The following HYI variants were observed in gnomAD, a reference collection of about 807,000 sequenced individuals.
HYI encodes putative hydroxypyruvate isomerase.
Under a neutral mutation model 39.7 loss-of-function variants are expected in HYI, and 47 were observed. The observed-to-expected ratio is 1.18, with a 90% CI of 0.94 to 1.51. The LOEUF is 1.51. Ranked by LOEUF, HYI falls within the 40% of genes most tolerant of loss-of-function variation. The probability of loss-of-function intolerance (pLI) is 0.00; values close to 1 mark genes in which losing one functional copy is unlikely to be tolerated. For synonymous variants in HYI, 186 were observed against 158.8 expected (o/e 1.17, Z -1.29); for missense variants, 465 against 370.3 (o/e 1.26, Z -2.10).
rs949427907 is a variant in HYI, at chr1:43,453,611, C to G, written c.183G>C (p.Leu61=). Reference sequence around the variant, plus strand: ...GCGACGCACCCGGGGGCGTGTTGATCAGTACAAGCCGCAGCCCCGCTTCTC... The same window carrying G: ...GCGACGCACCCGGGGGCGTGTTGATGAGTACAAGCCGCAGCCCCGCTTCTC... ...AAREAGLRLV[L]INTPPGDQEK... is the part of the protein sequence containing the mutation. The change falls in exon 1 of 8, where the codon CTG becomes CTC. Residue 61 remains leucine (L), a synonymous_variant. Coordinates refer to ENST00000372430, the MANE Select transcript of HYI (RefSeq NM_001190880.3). 7 of 1,496,842 alleles carry G rather than the reference C, an allele frequency of 4.7e-6. No homozygotes were observed. The highest frequency in any genetic ancestry group is 6.2e-6 in the Non-Finnish European group (7 of 1,127,400). The allele number at this position is 1,496,842 out of a possible 1,614,324, so 92.7% of individuals were successfully genotyped here.
chr1:43,452,486 G>C (rs1471449408), intron 2 of HYI, 167 bp from the exon 3 acceptor site: 2 of 702,234 alleles, frequency 2.8e-6, no homozygotes, highest in Non-Finnish European at 5.3e-6. Context: ...CTTCAGTGAT[G>C]GCTGAGGGGC....
At position 43,453,679 on chromosome 1, in the gene HYI, A is replaced by C. The variant is rs1656715340; in HGVS notation, c.115T>G (p.Trp39Gly). 2.0e-6 allele frequency: 3 copies of C among 1,463,814 alleles called. No homozygotes were observed. Among genetic ancestry groups the C allele is most frequent in the Non-Finnish European group, 1.8e-6 (2 of 1,117,324 alleles). 90.7% of individuals were successfully genotyped at this position (1,463,814 alleles called of 1,614,324 possible). Residue 39 changes from tryptophan to glycine, a missense_variant, in exon 1 of 8, where the codon TGG becomes GGG. Physicochemically the swap from Trp to Gly is radical, Grantham distance 184 (BLOSUM62 -2). Transcript: ENST00000372430. ...GCCTCAGGCGTCTCCGCGTACGGCC[A>C]GGCCACCTCGACGGCCTCGAAGCCC... ...SSGFEAVEVA[W>G]PYAETPEALA...
Position 43,451,976 on chromosome 1 carries a change from C to G in HYI, c.464G>C (p.Arg155Pro), listed in dbSNP as rs367869584. The stretch of plus-strand genomic sequence containing the variant: ...CAGGAAGTACTGGGGGTCAGTGATG[C>G]GGGTGTTGATGGGCTCCAGCAGTCC... ...LVGLLEPINT[R>P]ITDPQYFLDT... Residue 155 changes from arginine (R) to proline (P), a missense_variant, in exon 4 of 8, where the codon CGC becomes CCC. Physicochemically the swap from Arg to Pro is moderately radical, Grantham distance 103 (BLOSUM62 -2). Coordinates refer to ENST00000372430, the MANE Select transcript of HYI (RefSeq NM_001190880.3). The G allele has an allele frequency of 6.2e-7, 1 of 1,611,196 alleles. No individual in the cohort carries two copies. The highest frequency in any genetic ancestry group is 2.2e-5 in the East Asian group (1 of 44,810).
intron 2 of HYI, 77 bp downstream of exon 2, chr1:43,453,309 G>C: frequency 2.1e-6 from 2 of 949,662 alleles, no homozygotes; most frequent in South Asian, 3.2e-5. Context: ...GAGCGTCTCA[G>C]ATCTGGCGTC....
downstream of HYI, chr1:43,450,776 C>T (rs1299856408): frequency 9.9e-6 from 7 of 706,358 alleles, no homozygotes; most frequent in African/African-American, 3.4e-5. The surrounding 1 kb of genome is among the most constrained non-coding windows in gnomAD (Gnocchi z 4.3). Flanking sequence ...GGTAGAGTCT[C>T]GGGAGTTCAC....
In HYI at chr1:43,453,338, CAT is replaced by C. The variant is rs1275714921; in HGVS notation, c.311+46_311+47del. 14 of 1,254,280 alleles carry C rather than the reference CAT, an allele frequency of 1.1e-5. No homozygotes were observed. In the African/African-American group the frequency reaches 1.9e-4, roughly 17 times the overall value. 77.7% of individuals were successfully genotyped at this position (1,254,280 alleles called of 1,614,324 possible). ...TGGCGTCCTCGACTCCCTGAACCTG[CAT>C]CAGGGTCATGGGTCACAGGGGTGGG... is the stretch of plus-strand genomic sequence containing the variant. On this transcript the variant is annotated intron_variant, in intron 2 of 7. Transcript: ENST00000372430.
chr1:43,450,725 G>T, downstream of HYI: 1 of 699,552 alleles, frequency 1.4e-6, no homozygotes, highest in Non-Finnish European at 2.5e-6. This position sits in a 1 kb window ranked among gnomAD's most constrained non-coding sequence, Gnocchi z 4.3. Flanking sequence ...CAACCCCGAG[G>T]ACCCCTTGGG....
At position 43,453,668 on chromosome 1, in the gene HYI, C is replaced by A; in HGVS notation, c.126G>T (p.Ala42=). Residue 42 remains alanine (A), a synonymous_variant, in exon 1 of 8, where the codon GCG becomes GCT. Coordinates refer to ENST00000372430, the MANE Select transcript of HYI (RefSeq NM_001190880.3). Reference sequence around the variant, plus strand: ...CGCGCGCCAGCGCCTCAGGCGTCTCCGCGTACGGCCAGGCCACCTCGACGG... The same window carrying A: ...CGCGCGCCAGCGCCTCAGGCGTCTCAGCGTACGGCCAGGCCACCTCGACGG... ...FEAVEVAWPY[A]ETPEALARAA... 6.8e-7 allele frequency: 1 copy of A among 1,481,184 alleles called. No homozygotes were observed. Among genetic ancestry groups the A allele is most frequent in the Non-Finnish European group, 8.9e-7 (1 of 1,124,160 alleles). 91.8% of individuals were successfully genotyped at this position (1,481,184 alleles called of 1,614,324 possible).
rs777995681 is a variant in HYI, at chr1:43,451,518, C to T, written c.652G>A (p.Gly218Ser). The change falls in exon 7 of 8, where the codon GGC becomes AGC. Residue 218 changes from glycine (G) to serine (S), a missense_variant. Physicochemically the swap from Gly to Ser is moderately conservative, Grantham distance 56. Coordinates refer to ENST00000372430, the MANE Select transcript of HYI (RefSeq NM_001190880.3). Reference sequence around the variant, plus strand: ...CCGGGGCTGCTGGGCTCCCCTCGGCCTGGGACCTGTGCCACCTGCACATGC... The same window carrying T: ...CCGGGGCTGCTGGGCTCCCCTCGGCTTGGGACCTGTGCCACCTGCACATGC... ...VGHVQVAQVP[G>S]RGEPSSPGEL... The T allele has an allele frequency of 6.2e-7, 1 of 1,614,146 alleles. No individual in the cohort carries two copies. Among genetic ancestry groups the T allele is most frequent in the South Asian group, 1.1e-5 (1 of 91,086 alleles).
chr1:43,451,506 G>A lies in HYI; in HGVS notation c.664C>T (p.Pro222Ser). Residue 222 changes from proline (P) to serine (S), a missense_variant, in exon 7 of 8, where the codon CCC (proline) becomes TCC (serine). Coordinates refer to ENST00000372430, the MANE Select transcript of HYI (RefSeq NM_001190880.3). ...AAATTCAGCTCTCCGGGGCTGCTGG[G>A]CTCCCCTCGGCCTGGGACCTGTGCC... ...QVAQVPGRGEPSSPGELNFPY... is the reference protein window; with the variant it reads ...QVAQVPGRGESSSPGELNFPY... The A allele has an allele frequency of 6.2e-7, 1 of 1,614,108 alleles. No homozygotes were observed. The highest frequency in any genetic ancestry group is 8.5e-7 in the Non-Finnish European group (1 of 1,180,022).
At position 43,451,501 on chromosome 1, in the gene HYI, G is replaced by A; in HGVS notation, c.669C>T (p.Ser223=). ...AGGGGAAATTCAGCTCTCCGGGGCT[G>A]CTGGGCTCCCCTCGGCCTGGGACCT... The part of the protein sequence containing the change: ...VAQVPGRGEP[S]SPGELNFPYL... Residue 223 remains serine (S), a synonymous_variant, in exon 7 of 8, where the codon AGC becomes AGT. Transcript: ENST00000372430. 1.2e-6 allele frequency: 2 copies of A among 1,614,138 alleles called. No homozygotes were observed. Among genetic ancestry groups the A allele is most frequent in the Non-Finnish European group, 1.7e-6 (2 of 1,180,036 alleles).
intron 2 of HYI, 28 bp downstream of exon 2, chr1:43,453,358 G>A (rs1656649057): frequency 6.9e-7 from 1 of 1,450,996 alleles, no homozygotes; most frequent in Non-Finnish European, 9.4e-7. Context: ...ATGGGTCACA[G>A]GGGTGGGGGT....
In HYI at chr1:43,451,607, G is replaced by C. The variant is rs1287445301; in HGVS notation, c.625+41C>G. ...CTGCCAGGGCCTGAAGGACAGATGT[G>C]GGGATTGAAAGGGTGGGAGGGCAAA... On this transcript the variant is annotated intron_variant, in intron 6 of 7. Coordinates refer to ENST00000372430, the MANE Select transcript of HYI (RefSeq NM_001190880.3). The C allele has an allele frequency of 3.1e-6, 5 of 1,613,846 alleles. No individual in the cohort carries two copies. In the Admixed American group the frequency reaches 8.3e-5, roughly 27 times the overall value.
rs755253356 is a variant in HYI at position 43,451,805 on chromosome 1, A to G, written c.548T>C (p.Leu183Ser). The G allele has an allele frequency of 4.1e-5, 66 of 1,613,896 alleles. No homozygotes were observed. The Middle Eastern group carries it at 4.9e-4, about 12-fold the overall frequency. ...GTACCCCCTTCCACTTACCATTTGT[A>G]ATTGGAGGTTGGGTCTTCCTACCTT... ...LQKVGRPNLQ[L>S]QMDIFHWQIM... Residue 183 changes from leucine to serine, a missense_variant, in exon 5 of 8, where the codon TTA becomes TCA. Physicochemically the swap from Leu to Ser is moderately radical, Grantham distance 145. Transcript: ENST00000372430.
chr1:43,453,295 TTCTG>T, intron 2 of HYI, 87 bp downstream of exon 2: 1 of 843,532 alleles, frequency 1.2e-6, no homozygotes, highest in Non-Finnish European at 1.9e-6. Flanking sequence ...GGGCTCAGAC[TTCTG>T]AGCGTCTCAG....
In HYI at chr1:43,453,656, C is replaced by T. The variant is rs907038583; in HGVS notation, c.138G>A (p.Glu46=). The change falls in exon 1 of 8, where the codon GAG becomes GAA. Residue 46 remains glutamate (E), a synonymous_variant. Coordinates refer to ENST00000372430, the MANE Select transcript of HYI (RefSeq NM_001190880.3). ...CTTCTCGCGCGGCGCGCGCCAGCGC[C>T]TCAGGCGTCTCCGCGTACGGCCAGG... The part of the protein sequence containing the change: ...EVAWPYAETP[E]ALARAAREAG... The T allele has an allele frequency of 2.0e-6, 3 of 1,486,594 alleles. No individual in the cohort carries two copies. Among genetic ancestry groups the T allele is most frequent in the Admixed American group, 2.4e-5 (1 of 42,466 alleles). 92.1% of individuals were successfully genotyped at this position (1,486,594 alleles called of 1,614,324 possible).
chr1:43,451,626 G>T (rs372809041), intron 6 of HYI, 22 bp downstream of exon 6: 116 of 1,613,922 alleles, frequency 7.2e-5, no homozygotes, highest in Non-Finnish European at 9.2e-5. Context: ...AAGGGTGGGA[G>T]GGCAAAGGAA....
Position 43,453,704 on chromosome 1 carries a change from C to G in HYI, c.90G>C (p.Ser30=), listed in dbSNP as rs1396964889. Reference sequence around the variant, plus strand: ...AGGCCACCTCGACGGCCTCGAAGCCCGAGCTGCCCGCGGCCCGCACCCGCG... The same window carrying G: ...AGGCCACCTCGACGGCCTCGAAGCCGGAGCTGCCCGCGGCCCGCACCCGCG... ...LPARVRAAGS[S]GFEAVEVAWP... Residue 30 remains serine (S), a synonymous_variant, in exon 1 of 8, where the codon TCG becomes TCC. Transcript: ENST00000372430. The G allele has an allele frequency of 5.6e-6, 8 of 1,421,138 alleles. No individual in the cohort carries two copies. Among genetic ancestry groups the G allele is most frequent in the Non-Finnish European group, 7.3e-6 (8 of 1,097,354 alleles). The allele number at this position is 1,421,138 out of a possible 1,614,324, so 88.0% of individuals were successfully genotyped here.
In HYI at chr1:43,451,458, C is replaced by T. The variant is rs759435585; in HGVS notation, c.712G>A (p.Glu238Lys). Residue 238 changes from glutamate (E) to lysine (K), a missense_variant, in exon 7 of 8, where the codon GAA becomes AAA. Glu to Lys is a moderately conservative substitution (Grantham distance 56). Coordinates refer to ENST00000372430, the MANE Select transcript of HYI (RefSeq NM_001190880.3). ...LNFPYLFQLLEDEGYKGFVGC... is the reference protein window; with the variant it reads ...LNFPYLFQLLKDEGYKGFVGC... ...ACGAAGCCTTTGTAGCCTTCATCTTCCAGCAGTTGAAACAGATAGGGGAAA... is the reference window on the plus strand; with the variant it reads ...ACGAAGCCTTTGTAGCCTTCATCTTTCAGCAGTTGAAACAGATAGGGGAAA... 19 of 1,613,958 alleles carry T rather than the reference C, an allele frequency of 1.2e-5. No homozygotes were observed. The highest frequency in any genetic ancestry group is 1.5e-5 in the Non-Finnish European group (18 of 1,180,048).
Sources: allele counts gnomAD v4.1 joint callset, GRCh38; gene constraint gnomAD v4.1.1; non-coding constraint Gnocchi (gnomAD v3.1); transcripts MANE v1.5; gene names NCBI Gene and HGNC (gene_info 2026-07-23, HGNC 2026-07-21).